Variants in MACF1 observed in about 807,000 individuals in gnomAD.
MACF1 encodes the protein microtubule-actin cross-linking factor 1.
Under a neutral mutation model 854.8 loss-of-function variants are expected in MACF1, and 193 were observed. The ratio of observed to expected loss-of-function variants is 0.23; its 90% CI spans 0.20 to 0.25. The LOEUF (loss-of-function observed/expected upper bound fraction) is 0.25. Among genes scored for constraint, MACF1 ranks in the 10% least tolerant of loss-of-function variants. The pLI, the probability that MACF1 is intolerant of heterozygous loss-of-function variation, is 1.00. For missense variants in MACF1, 7,722 were observed against 8,929.1 expected (o/e 0.86, Z 5.45); for synonymous variants, 3,185 against 3,226.7 (o/e 0.99, Z 0.44).
intron 84 of MACF1, 144 bp from the exon 85 acceptor site, chr1:39,450,908 G>A (rs1253143036): frequency 1.1e-6 from 1 of 931,838 alleles, no homozygotes; most frequent in Non-Finnish European, 1.6e-6. Context: ...ACCGCGCCCG[G>A]CCTTTACTGT....
intron 58 of MACF1, among the ~76,000 whole-genome samples, chr1:39,389,651 C>T (rs374304904): frequency 4.6e-5 from 7 of 152,198 alleles, no homozygotes; most frequent in South Asian, 2.1e-4. Flanking sequence ...TTAGTCACCG[C>T]ACTCAGCCCC....
intron 2 of MACF1, among the ~76,000 whole-genome samples, chr1:39,240,663 T>C (rs1273094701): frequency 6.6e-6 from 1 of 152,210 alleles, no homozygotes; most frequent in Non-Finnish European, 1.5e-5. Flanking sequence ...CACGCCTGGC[T>C]AATTTTGTAT....
chr1:39,118,607 G>C (rs1010730055), intron 2 of MACF1, among the ~76,000 whole-genome samples: 2 of 152,192 alleles, frequency 1.3e-5, no homozygotes, highest in African/African-American at 4.8e-5. Context: ...TCCTTTCTCT[G>C]ATTATCCTGT....
chr1:39,481,419 T>C (rs567373023), intron 99 of MACF1, among the ~76,000 whole-genome samples: 86 of 152,238 alleles, frequency 5.6e-4, no homozygotes, highest in Non-Finnish European at 1.1e-3. Context: ...TTCTACAATG[T>C]TCTGTCTTTG....
intron 2 of MACF1, among the ~76,000 whole-genome samples, chr1:39,248,018 C>T (rs1042432426): frequency 2.6e-5 from 4 of 152,162 alleles, no homozygotes; most frequent in African/African-American, 9.7e-5. Context: ...AAGACTCTGT[C>T]TCAAAAAATG....
intron 2 of MACF1, among the ~76,000 whole-genome samples, chr1:39,237,778 G>A (rs1323462266): frequency 2.0e-5 from 3 of 151,116 alleles, no homozygotes; most frequent in East Asian, 1.9e-4. Flanking sequence ...CCAGGCATCC[G>A]TCATCTTTCA....
chr1:39,252,610 A>G (rs1645053594), intron 4 of MACF1, among the ~76,000 whole-genome samples: 1 of 152,226 alleles, frequency 6.6e-6, no homozygotes, highest in Admixed American at 6.5e-5. Context: ...AACAAGGATT[A>G]GGCAATATCC....
Position 39,334,417 on chromosome 1 carries a change from T to G in MACF1, c.7829T>G (p.Leu2610Trp), listed in dbSNP as rs376869770. 2.5e-6 allele frequency: 4 copies of G among 1,613,986 alleles called. No homozygotes were observed. Among genetic ancestry groups the G allele is most frequent in the Non-Finnish European group, 3.4e-6 (4 of 1,179,970 alleles). Residue 2610 changes from leucine to tryptophan, a missense_variant, in exon 37 of 101, where the codon TTG (leucine) becomes TGG (tryptophan). Physicochemically the swap from Leu to Trp is moderately conservative, Grantham distance 61. Around this residue, in one of 15 missense-constraint regions of MACF1, gnomAD observed 1,531 missense variants for 1,601.6 expected, o/e 0.96. Coordinates refer to ENST00000564288, the MANE Select transcript of MACF1 (RefSeq NM_001394062.1). ...GGACTGTTAACTAATGAAGCAGTAT[T>G]GTCTCCAGGAATGATGCATGGCATT... ...KEGLLTNEAV[L>W]SPGMMHGIVD...
intron 2 of MACF1, among the ~76,000 whole-genome samples, chr1:39,239,856 C>G (rs962876200): frequency 4.6e-5 from 7 of 152,160 alleles, no homozygotes; most frequent in Non-Finnish European, 8.8e-5. Context: ...TATATACCAG[C>G]AAAAGTTTTC....
rs1245955636 is a variant in MACF1 at position 39,297,702 on chromosome 1, A to C, written c.2438A>C (p.Asn813Thr). 3.7e-6 allele frequency: 6 copies of C among 1,614,072 alleles called. No individual in the cohort carries two copies. The highest frequency in any genetic ancestry group is 2.7e-5 in the African/African-American group (2 of 74,930). ...SIKRKYSCDHNTSLSRLEDLL... is the reference protein window; with the variant it reads ...SIKRKYSCDHTTSLSRLEDLL... ...AAACGAAAATATTCCTGTGACCACA[A>C]CACCAGCTTATCCCGCCTTGAAGAC... Residue 813 changes from asparagine (N) to threonine (T), a missense_variant, in exon 21 of 101, where the codon AAC becomes ACC. By Grantham distance (65) the Asn-to-Thr change is moderately conservative (BLOSUM62 0). Around this residue, in one of 15 missense-constraint regions of MACF1, gnomAD observed 1,137 missense variants for 1,263.0 expected, o/e 0.90. Transcript: ENST00000564288.
intron 1 of MACF1, among the ~76,000 whole-genome samples, chr1:39,230,925 A>G (rs138071034): frequency 6.6e-6 from 1 of 152,286 alleles, no homozygotes; most frequent in Non-Finnish European, 1.5e-5. Flanking sequence ...GCTCTGCTCA[A>G]ATTATTGTGC....
At chr1:39,480,274 C>G (rs953721583) in intron 98 of MACF1, among the ~76,000 whole-genome samples, 4 of 152,054 alleles carry the variant, frequency 2.6e-5, no homozygotes, top group African/African-American at 9.7e-5. Context: ...TGTTTATTTC[C>G]TCATGTTCTC....
intron 2 of MACF1, among the ~76,000 whole-genome samples, chr1:39,123,701 G>T (rs1234054838): frequency 1.4e-5 from 2 of 146,466 alleles, no homozygotes; most frequent in African/African-American, 5.0e-5. Flanking sequence ...CACCATGCCC[G>T]GCTAATTCTT....
chr1:39,284,941 T>C, intron 11 of MACF1, 142 bp from the exon 12 acceptor site: 1 of 1,151,896 alleles, frequency 8.7e-7, no homozygotes, highest in Non-Finnish European at 1.2e-6. Flanking sequence ...TGATACATAT[T>C]TGATTGTTTT....
At chr1:39,098,809 A>C (rs1641996754) in intron 2 of MACF1, among the ~76,000 whole-genome samples, 1 of 152,124 alleles carries the variant, frequency 6.6e-6, no homozygotes, top group Non-Finnish European at 1.5e-5. Context: ...TTAAATTGAG[A>C]TGTTGCACTT....
intron 6 of MACF1, among the ~76,000 whole-genome samples, chr1:39,264,366 A>G (rs1018840268): frequency 6.6e-6 from 1 of 152,208 alleles, no homozygotes; most frequent in Non-Finnish European, 1.5e-5. Context: ...ACTATTTGAC[A>G]TATTACATGT....
chr1:39,417,350 A>G (rs1026974285), intron 58 of MACF1, among the ~76,000 whole-genome samples: 2 of 108,352 alleles, frequency 1.8e-5, no homozygotes, highest in African/African-American at 2.6e-5. Flanking sequence ...CAAAGGAAGA[A>G]AAAAACCTTT....
chr1:39,224,941 T>G (rs1644696233), intron 1 of MACF1, among the ~76,000 whole-genome samples: 1 of 152,138 alleles, frequency 6.6e-6, no homozygotes, highest in African/African-American at 2.4e-5. Flanking sequence ...TCCCAGCGTT[T>G]TGGGAGGCTG....
intron 49 of MACF1, among the ~76,000 whole-genome samples, chr1:39,363,487 T>G (rs1035034033): frequency 2.6e-5 from 4 of 152,202 alleles, no homozygotes; most frequent in African/African-American, 9.6e-5. Flanking sequence ...CTTTTTTACT[T>G]AATATGTCTT....
Sources: allele counts gnomAD v4.1 joint callset (sites outside exome capture counted in the v4.1 genomes callset), GRCh38; gene constraint gnomAD v4.1.1; regional missense constraint gnomAD v4.1.1; transcripts MANE v1.5; gene names NCBI Gene and HGNC (gene_info 2026-07-23, HGNC 2026-07-21).